PARVA: variants seen among roughly 807,000 people sequenced by gnomAD.
The protein encoded by PARVA is alpha-parvin.
PARVA carries 25 observed loss-of-function variants against 52.6 expected under a neutral mutation model. The observed-to-expected ratio is 0.48, with a 90% CI of 0.35 to 0.66. PARVA has a LOEUF of 0.66. Among genes scored for constraint, PARVA ranks in the 30% least tolerant of loss-of-function variants. The pLI is 0.01. For missense variants in PARVA, 373 were observed against 450.9 expected, an observed-to-expected ratio of 0.83 and a Z score of 1.56; for synonymous variants, 185 against 179.1, an observed-to-expected ratio of 1.03 and a Z score of -0.26.
At chr11:12,467,436 C>G (rs142270851) in intron 1 of PARVA, among the ~76,000 whole-genome samples, 1 of 152,306 alleles carries the variant, frequency 6.6e-6, no homozygotes, top group Non-Finnish European at 1.5e-5. Context: ...GAGGAGACAT[C>G]CTTGACTTGT....
Position 12,533,368 on chromosome 11 carries a change from C to A in PARVA, c.*5443C>A, listed in dbSNP as rs913750046. ...GCCTGTGGGCTTGACAAACTATAAG[C>A]AAGCCTCCTGGATGTGGAATAATAC... On this transcript the variant is annotated 3_prime_UTR_variant, in exon 13 of 13. Transcript: ENST00000334956. Among the ~76,000 whole-genome samples the A allele has an allele frequency of 1.3e-5, 2 of 152,192 alleles. No individual in the cohort carries two copies. The highest frequency in any genetic ancestry group is 6.5e-5 in the Admixed American group (1 of 15,278).
chr11:12,509,943 A>G (rs1338190450), intron 7 of PARVA, among the ~76,000 whole-genome samples: 2 of 152,340 alleles, frequency 1.3e-5, no homozygotes, highest in East Asian at 1.9e-4. Flanking sequence ...GACAGAGCAG[A>G]GAGGAGCATG....
chr11:12,431,902 A>C (rs1184750534), intron 1 of PARVA, among the ~76,000 whole-genome samples: 4 of 152,186 alleles, frequency 2.6e-5, no homozygotes, highest in Non-Finnish European at 5.9e-5. Context: ...AGTTGTTGGA[A>C]ATTCCCAACT....
intron 12 of PARVA, 46 bp downstream of exon 12, chr11:12,518,563 T>C: frequency 7.5e-7 from 1 of 1,332,758 alleles, no homozygotes; most frequent in Non-Finnish European, 1.1e-6. Flanking sequence ...TGAGACCCTC[T>C]CCCTGCACAT....
intron 1 of PARVA, among the ~76,000 whole-genome samples, chr11:12,386,611 G>T (rs1047434691): frequency 6.6e-6 from 1 of 152,142 alleles, no homozygotes; most frequent in Non-Finnish European, 1.5e-5. Flanking sequence ...ACAGTTATTA[G>T]AATTTCTGTG....
At chr11:12,460,532 A>G (rs1033508740) in intron 1 of PARVA, among the ~76,000 whole-genome samples, 2 of 152,176 alleles carry the variant, frequency 1.3e-5, no homozygotes, top group African/African-American at 2.4e-5. Context: ...TTCCACAAAC[A>G]GTGCTCTTCA....
At chr11:12,493,292 G>T (rs775682851) in intron 4 of PARVA, among the ~76,000 whole-genome samples, 11 of 151,416 alleles carry the variant, frequency 7.3e-5, no homozygotes, top group Non-Finnish European at 1.6e-4. Flanking sequence ...GGAGGCAGAG[G>T]TTGCAGTAAG....
chr11:12,474,422 G>A (rs968952805), intron 3 of PARVA, among the ~76,000 whole-genome samples: 1 of 152,034 alleles, frequency 6.6e-6, no homozygotes, highest in East Asian at 1.9e-4. Flanking sequence ...AGGAGATGAA[G>A]TGACATACTG....
At chr11:12,389,129 G>A (rs1939622046) in intron 1 of PARVA, among the ~76,000 whole-genome samples, 1 of 152,172 alleles carries the variant, frequency 6.6e-6, no homozygotes, top group African/African-American at 2.4e-5. Flanking sequence ...GGGCTGGCAG[G>A]ACCAGATTAC....
chr11:12,513,187 C>A, intron 8 of PARVA, 112 bp from the exon 9 acceptor site: 1 of 846,228 alleles, frequency 1.2e-6, no homozygotes, highest in Non-Finnish European at 2.1e-6. Flanking sequence ...AGAGGCTTCC[C>A]ATCGGTAGTT....
In PARVA at chr11:12,406,661, G is replaced by GTTTTTTTTTTTTTTTTTTTTT. The variant is rs571973101; in HGVS notation, c.136+28885_136+28905dup. On this transcript the variant is annotated intron_variant, in intron 1 of 12. Coordinates refer to ENST00000334956, the MANE Select transcript of PARVA (RefSeq NM_018222.5). Reference sequence around the variant, plus strand: ...ATTGTTAGCTATTTAGGTTGTATCTGTTTTTTTTTTTTTTTTTTTTTTTTT... The same window carrying GTTTTTTTTTTTTTTTTTTTTT: ...ATTGTTAGCTATTTAGGTTGTATCTGTTTTTTTTTTTTTTTTTTTTTTTTTTTTTTTTTTTTTTTTTTTTTT... Among the ~76,000 whole-genome samples the GTTTTTTTTTTTTTTTTTTTTT allele has an allele frequency of 1.0e-3, 81 of 77,788 alleles. 12 individuals are homozygous for GTTTTTTTTTTTTTTTTTTTTT. The highest frequency in any genetic ancestry group is 1.5e-3 in the African/African-American group (28 of 18,482). 51.0% of individuals were successfully genotyped at this position (77,788 alleles called of 152,430 possible). A position where few individuals can be genotyped will look rare whatever the true frequency, so the allele number is the denominator to read the frequency against.
intron 4 of PARVA, chr11:12,480,240 A>C (rs947904341): frequency 6.6e-6 from 1 of 151,196 alleles, no homozygotes; most frequent in East Asian, 2.0e-4. Flanking sequence ...AAAAAAAAAA[A>C]AGTGTATTGA....
In PARVA at chr11:12,377,698, C is replaced by T. The variant is rs755984411; in HGVS notation, c.51C>T (p.Pro17=). Residue 17 remains proline, a synonymous_variant, in exon 1 of 13, where the codon CCC becomes CCT. Coordinates refer to ENST00000334956, the MANE Select transcript of PARVA (RefSeq NM_018222.5). ...CTTCTGTCCCCAAGTCTCCCACTCCCAAGTCGCCCCCGTCCCGCAAGAAAG... is the reference window on the plus strand; with the variant it reads ...CTTCTGTCCCCAAGTCTCCCACTCCTAAGTCGCCCCCGTCCCGCAAGAAAG... ...KSPSVPKSPT[P]KSPPSRKKDD... 5 of 1,567,144 alleles carry T rather than the reference C, an allele frequency of 3.2e-6. No individual in the cohort carries two copies. The highest frequency in any genetic ancestry group is 1.9e-5 in the Admixed American group (1 of 52,314).
At chr11:12,512,450 C>T (rs996892680) in intron 8 of PARVA, among the ~76,000 whole-genome samples, 4 of 152,208 alleles carry the variant, frequency 2.6e-5, no homozygotes, top group African/African-American at 9.7e-5. Flanking sequence ...CAGGGCCTCG[C>T]ACCCTCCCAG....
At chr11:12,527,354 A>G (rs1488310778) in intron 12 of PARVA, among the ~76,000 whole-genome samples, 1 of 151,892 alleles carries the variant, frequency 6.6e-6, no homozygotes, top group Non-Finnish European at 1.5e-5. Flanking sequence ...ATAGAAGCTG[A>G]GGAACCTCCA....
intron 1 of PARVA, among the ~76,000 whole-genome samples, chr11:12,387,471 A>T (rs1354952796): frequency 1.3e-5 from 2 of 152,254 alleles, no homozygotes; most frequent in East Asian, 3.9e-4. Flanking sequence ...CCATAGAGGG[A>T]GTCCCCAGGT....
rs777931359 is a variant in PARVA at position 12,513,999 on chromosome 11, A to T, written c.801A>T (p.Thr267=). The part of the protein sequence containing the change: ...APDKLNVVKK[T]LITFVNKHLN... ...GGCCTGCTTTGCTTCTCTTTTAGAC[A>T]CTCATCACTTTCGTGAACAAGCACC... The change falls in exon 10 of 13, where the codon ACA becomes ACT. Residue 267 remains threonine, a splice_region_variant and synonymous_variant. Transcript: ENST00000334956. 1.2e-6 allele frequency: 2 copies of T among 1,613,756 alleles called. No individual in the cohort carries two copies. Among genetic ancestry groups the T allele is most frequent in the Non-Finnish European group, 1.7e-6 (2 of 1,179,732 alleles).
chr11:12,385,784 C>T (rs1032337312), intron 1 of PARVA, among the ~76,000 whole-genome samples: 1 of 152,074 alleles, frequency 6.6e-6, no homozygotes, highest in Non-Finnish European at 1.5e-5. Flanking sequence ...TCTTTTGTTT[C>T]TTCTCAGCTA....
Position 12,530,003 on chromosome 11 carries a change from AG to A in PARVA, c.*2080del, listed in dbSNP as rs1348639476. ...CAATACTGAAGCAGGATGAAGTAAG[AG>A]GAATGCATTCATTTAAACATGCTTT... On this transcript the variant is annotated 3_prime_UTR_variant, in exon 13 of 13. Coordinates refer to ENST00000334956, the MANE Select transcript of PARVA (RefSeq NM_018222.5). 6.6e-6 allele frequency: 1 copy of A among 152,214 alleles called. No individual in the cohort carries two copies. Among genetic ancestry groups the A allele is most frequent in the African/African-American group, 2.4e-5 (1 of 41,460 alleles). 9.4% of individuals were successfully genotyped at this position (152,214 alleles called of 1,614,324 possible). A position where few individuals can be genotyped will look rare whatever the true frequency, so the allele number is the denominator to read the frequency against.
Sources: allele counts gnomAD v4.1 joint callset (sites outside exome capture counted in the v4.1 genomes callset), GRCh38; gene constraint gnomAD v4.1.1; transcripts MANE v1.5; gene names NCBI Gene and HGNC (gene_info 2026-07-23, HGNC 2026-07-21).